Variants in DNAJC10 observed in about 807,000 individuals in gnomAD.
DNAJC10 encodes the protein endoplasmic reticulum disulfide reductase DNAJC10.
Under a neutral mutation model 115.0 loss-of-function variants are expected in DNAJC10, and 101 were observed. The ratio of observed to expected loss-of-function variants is 0.88; its 90% CI spans 0.75 to 1.04. The LOEUF is 1.04. Among genes scored for constraint, DNAJC10 ranks in the 50% least tolerant of loss-of-function variants. The pLI is 0.00. For missense variants in DNAJC10, 981 were observed against 928.8 expected (o/e 1.06, Z -0.73); for synonymous variants, 307 against 301.5 (o/e 1.02, Z -0.19).
rs1465196687 is a variant in DNAJC10 at position 182,793,698 on chromosome 2, T to G, written c.*16566T>G. 6.6e-6 allele frequency: 1 copy of G among 152,022 alleles called. No homozygotes were observed. The highest frequency in any genetic ancestry group is 1.5e-5 in the Non-Finnish European group (1 of 68,020). 9.4% of individuals were successfully genotyped at this position (152,022 alleles called of 1,614,324 possible). A position where few individuals can be genotyped will look rare whatever the true frequency, so the allele number is the denominator to read the frequency against. On this transcript the variant is annotated 3_prime_UTR_variant, in exon 24 of 24. Coordinates refer to ENST00000264065, the MANE Select transcript of DNAJC10 (RefSeq NM_018981.4). ...AATCCTAAATTAGGTTTCAGTTTATTTAAGTACTAAATTAGGTTGCAATTT... is the reference window on the plus strand; with the variant it reads ...AATCCTAAATTAGGTTTCAGTTTATGTAAGTACTAAATTAGGTTGCAATTT...
At position 182,790,748 on chromosome 2, in the gene DNAJC10, C is replaced by G. The variant is rs955059726; in HGVS notation, c.*13616C>G. On this transcript the variant is annotated 3_prime_UTR_variant, in exon 24 of 24. Transcript: ENST00000264065. ...AGGTTACAGTGAGCTGAGGTCACGT[C>G]ACTGTACTCCAGCCTGGGCAACAAG... is the stretch of plus-strand genomic sequence containing the variant. 2.0e-5 allele frequency: 3 copies of G among 149,768 alleles called. No individual in the cohort carries two copies. The highest frequency in any genetic ancestry group is 7.4e-5 in the African/African-American group (3 of 40,476). The allele number at this position is 149,768 out of a possible 1,614,324, so 9.3% of individuals were successfully genotyped here.
intron 22 of DNAJC10, among the ~76,000 whole-genome samples, chr2:182,768,424 G>A (rs756042682): frequency 6.6e-6 from 1 of 152,146 alleles, no homozygotes; most frequent in African/African-American, 2.4e-5. Flanking sequence ...GTCCAGAGGA[G>A]TCCAGGGGAC....
chr2:182,785,288 A>G lies in DNAJC10; in HGVS notation c.*8156A>G, dbSNP rs548190546. 6.6e-6 allele frequency: 1 copy of G among 152,226 alleles called. No individual in the cohort carries two copies. Among genetic ancestry groups the G allele is most frequent in the African/African-American group, 2.4e-5 (1 of 41,552 alleles). The allele number at this position is 152,226 out of a possible 1,614,324, so 9.4% of individuals were successfully genotyped here. On this transcript the variant is annotated 3_prime_UTR_variant, in exon 24 of 24. Coordinates refer to ENST00000264065, the MANE Select transcript of DNAJC10 (RefSeq NM_018981.4). ...AAATAAAACATAAAATTGGACTAAT[A>G]GCTTAATTTTTTTTTTTAATTCAAA...
intron 5 of DNAJC10, among the ~76,000 whole-genome samples, chr2:182,726,095 A>C (rs371221015): frequency 1.3e-5 from 2 of 152,194 alleles, no homozygotes; most frequent in Non-Finnish European, 2.9e-5. Flanking sequence ...TCATGGAAGG[A>C]GGTCAAAATA....
At chr2:182,751,130 C>CTTTTTT (rs773393648) in intron 14 of DNAJC10, among the ~76,000 whole-genome samples, 30 of 85,176 alleles carry the variant, frequency 3.5e-4, no homozygotes, top group African/African-American at 5.7e-4. Context: ...GAGATTTTGA[C>CTTTTTT]TTTTTTTTTT....
In DNAJC10 at chr2:182,788,563, C is replaced by A. The variant is rs1559035871; in HGVS notation, c.*11431C>A. On this transcript the variant is annotated 3_prime_UTR_variant, in exon 24 of 24. Coordinates refer to ENST00000264065, the MANE Select transcript of DNAJC10 (RefSeq NM_018981.4). The stretch of plus-strand genomic sequence containing the variant: ...AAAATATCTTGGAAATAAGGATGGA[C>A]AGTTTAAGTACTTATCTCAAAAGGA... 9.9e-6 allele frequency: 2 copies of A among 202,834 alleles called. No homozygotes were observed. Among genetic ancestry groups the A allele is most frequent in the South Asian group, 7.6e-5 (1 of 13,072 alleles). 12.6% of individuals were successfully genotyped at this position (202,834 alleles called of 1,614,324 possible).
At chr2:182,766,446 GA>G (rs1189342697) in intron 22 of DNAJC10, among the ~76,000 whole-genome samples, 1 of 152,152 alleles carries the variant, frequency 6.6e-6, no homozygotes, top group African/African-American at 2.4e-5. Context: ...AGATTTAAAT[GA>G]GTAATACTAT....
chr2:182,741,812 C>T (rs2164919), intron 13 of DNAJC10, among the ~76,000 whole-genome samples: 23,840 of 152,048 alleles, frequency 0.16, 4,606 homozygotes, highest in African/African-American at 0.46. Context: ...TGCCCATATG[C>T]ATATGTAGGC....
rs182329645 is a variant in DNAJC10, at chr2:182,777,998, T to C, written c.*866T>C. ...GTTATCAAGTATTTAGAGTTCTATA[T>C]TTTAAAGATATATGTGTTCATGTAT... On this transcript the variant is annotated 3_prime_UTR_variant, in exon 24 of 24. Coordinates refer to ENST00000264065, the MANE Select transcript of DNAJC10 (RefSeq NM_018981.4). The C allele has an allele frequency of 9.2e-5, 14 of 152,330 alleles. No homozygotes were observed. The highest frequency in any genetic ancestry group is 2.6e-4 in the Admixed American group (4 of 15,294). 9.4% of individuals were successfully genotyped at this position (152,330 alleles called of 1,614,324 possible).
At chr2:182,742,409 C>T (rs748020825) in intron 13 of DNAJC10, among the ~76,000 whole-genome samples, 11 of 152,128 alleles carry the variant, frequency 7.2e-5, no homozygotes, top group Non-Finnish European at 1.2e-4. Context: ...AAGCTGGCCT[C>T]GAACTCCTGA....
rs1694819093 is a variant in DNAJC10, at chr2:182,780,427, A to T, written c.*3295A>T. 6.6e-6 allele frequency: 1 copy of T among 152,194 alleles called. No homozygotes were observed. The highest frequency in any genetic ancestry group is 1.9e-4 in the East Asian group (1 of 5,200). 9.4% of individuals were successfully genotyped at this position (152,194 alleles called of 1,614,324 possible). A position where few individuals can be genotyped will look rare whatever the true frequency, so the allele number is the denominator to read the frequency against. ...GCCTTCTCCCCCCGTGCCTTCTGCC[A>T]TGAGTAAAAGCTCCCTGAGACCTCA... On this transcript the variant is annotated 3_prime_UTR_variant, in exon 24 of 24. Coordinates refer to ENST00000264065, the MANE Select transcript of DNAJC10 (RefSeq NM_018981.4).
At chr2:182,735,163 C>T (rs550237859) in intron 10 of DNAJC10, among the ~76,000 whole-genome samples, 1 of 151,688 alleles carries the variant, frequency 6.6e-6, no homozygotes, top group African/African-American at 2.4e-5. Context: ...CATTTCCCAT[C>T]TCTACTAGCT....
At chr2:182,775,196 T>C (rs761355809) in intron 22 of DNAJC10, 120 bp from the exon 23 acceptor site, 4 of 671,612 alleles carry the variant, frequency 6.0e-6, no homozygotes, top group Non-Finnish European at 1.0e-5. Context: ...TAAATTTGAA[T>C]TTCAAACACT....
Position 182,718,246 on chromosome 2 carries a change from G to T in DNAJC10, c.160G>T (p.Ala54Ser), listed in dbSNP as rs1182547028. ...TGCAAGCAGTAGAGAAATAAGACAA[G>T]CTTTCAAGAAATTGGCATTGAAGTT... The part of the protein sequence containing the change: ...KTASSREIRQ[A>S]FKKLALKLHP... Residue 54 changes from alanine (A) to serine (S), a missense_variant, in exon 3 of 24, where the codon GCT becomes TCT. Coordinates refer to ENST00000264065, the MANE Select transcript of DNAJC10 (RefSeq NM_018981.4). 1 of 1,611,740 alleles carries T rather than the reference G, an allele frequency of 6.2e-7. No homozygotes were observed. The highest frequency in any genetic ancestry group is 1.7e-5 in the Admixed American group (1 of 59,790).
chr2:182,749,737 T>C (rs1174031050), intron 14 of DNAJC10, among the ~76,000 whole-genome samples: 1 of 152,218 alleles, frequency 6.6e-6, no homozygotes, highest in Non-Finnish European at 1.5e-5. Context: ...GTATTTATTG[T>C]CTATTGCTTA....
Position 182,793,516 on chromosome 2 carries a change from T to C in DNAJC10, c.*16384T>C, listed in dbSNP as rs1330250378. 2.6e-5 allele frequency: 4 copies of C among 152,056 alleles called. No individual in the cohort carries two copies. In the East Asian group the frequency reaches 7.7e-4, roughly 29 times the overall value. The allele number at this position is 152,056 out of a possible 1,614,324, so 9.4% of individuals were successfully genotyped here. ...GAGCTCTGCTTTGCGAGGTATGCAGTGAACATTCATAGACAGAAAACAAAA... is the reference window on the plus strand; with the variant it reads ...GAGCTCTGCTTTGCGAGGTATGCAGCGAACATTCATAGACAGAAAACAAAA... On this transcript the variant is annotated 3_prime_UTR_variant, in exon 24 of 24. Coordinates refer to ENST00000264065, the MANE Select transcript of DNAJC10 (RefSeq NM_018981.4).
chr2:182,734,869 A>G lies in DNAJC10; in HGVS notation c.850-1380A>G, dbSNP rs142366791. On this transcript the variant is annotated intron_variant, in intron 10 of 23. Coordinates refer to ENST00000264065, the MANE Select transcript of DNAJC10 (RefSeq NM_018981.4). Reference sequence around the variant, plus strand: ...AAGTCTACCTTGACTGATAACTAATATAGCTACACCAGCTTTCTTTTGTTT... The same window carrying G: ...AAGTCTACCTTGACTGATAACTAATGTAGCTACACCAGCTTTCTTTTGTTT... Among the ~76,000 whole-genome samples the G allele has an allele frequency of 3.1e-3, 464 of 151,882 alleles. 2 individuals are homozygous for G. Among genetic ancestry groups the G allele is most frequent in the African/African-American group, 0.011 (450 of 41,532 alleles).
chr2:182,731,730 C>T (rs1693452028), intron 9 of DNAJC10, among the ~76,000 whole-genome samples: 1 of 152,198 alleles, frequency 6.6e-6, no homozygotes, highest in African/African-American at 2.4e-5. Context: ...CATTTCATCT[C>T]TCAGCCTTCA....
At position 182,793,119 on chromosome 2, in the gene DNAJC10, C is replaced by T. The variant is rs1022752559; in HGVS notation, c.*15987C>T. On this transcript the variant is annotated 3_prime_UTR_variant, in exon 24 of 24. Transcript: ENST00000264065. ...GGAAAAAATGTAGCCACTAAATGGGCTGAGGGTAGAGCATATGAACAGAGA... is the reference window on the plus strand; with the variant it reads ...GGAAAAAATGTAGCCACTAAATGGGTTGAGGGTAGAGCATATGAACAGAGA... The T allele has an allele frequency of 1.3e-5, 2 of 152,158 alleles. No homozygotes were observed. Among genetic ancestry groups the T allele is most frequent in the Non-Finnish European group, 1.5e-5 (1 of 68,208 alleles). 9.4% of individuals were successfully genotyped at this position (152,158 alleles called of 1,614,324 possible).
Sources: allele counts gnomAD v4.1 joint callset (sites outside exome capture counted in the v4.1 genomes callset), GRCh38; gene constraint gnomAD v4.1.1; transcripts MANE v1.5; gene names NCBI Gene and HGNC (gene_info 2026-07-23, HGNC 2026-07-21).